Variants in NRXN1 observed in about 807,000 individuals in gnomAD.
NRXN1 encodes neurexin-1.
In NRXN1, 39 loss-of-function variants were observed where a neutral mutation model predicts 150.9. That is an observed-to-expected ratio of 0.26 (90% CI 0.20 to 0.34). The LOEUF is 0.34. NRXN1 is among the 10% of genes least tolerant of loss of function. The probability of loss-of-function intolerance (pLI) is 1.00; values close to 1 mark genes in which losing one functional copy is unlikely to be tolerated. For missense variants in NRXN1, 1,815 were observed against 1,949.9 expected (o/e 0.93, Z 1.30); for synonymous variants, 924 against 757.0 (o/e 1.22, Z -3.62).
chr2:50,016,267 A>G (rs1263646189), intron 21 of NRXN1, among the ~76,000 whole-genome samples: 1 of 152,224 alleles, frequency 6.6e-6, no homozygotes, highest in East Asian at 1.9e-4. Context: ...AACATTACTC[A>G]CAGAAGGCAA....
In NRXN1 at chr2:50,474,258, T is replaced by C. The variant is rs115091810; in HGVS notation, c.3071-1787A>G. On this transcript the variant is annotated intron_variant, in intron 15 of 22. Transcript: ENST00000401669. ...AAGGATATGAATCAGAAATCAAAGA[T>C]ACAAAATTAGCTTTCTGTATTTAAG... 5.9e-3 allele frequency among the ~76,000 whole-genome samples: 897 copies of C among 152,000 alleles called. 7 individuals are homozygous for C. Among genetic ancestry groups the C allele is most frequent in the African/African-American group, 0.02 (834 of 41,486 alleles).
chr2:50,219,937 T>A (rs13422226), intron 18 of NRXN1, among the ~76,000 whole-genome samples: 1 of 77,020 alleles, frequency 1.3e-5, no homozygotes, highest in East Asian at 2.9e-4. Context: ...TTATATATAT[T>A]ATATATTATA....
At chr2:50,751,457 A>C (rs1700585562) in intron 5 of NRXN1, among the ~76,000 whole-genome samples, 1 of 152,004 alleles carries the variant, frequency 6.6e-6, no homozygotes, top group East Asian at 1.9e-4. Context: ...CAGCACAATC[A>C]AGCTGTTTTG....
At chr2:50,634,145 C>T (rs756640195) in intron 5 of NRXN1, among the ~76,000 whole-genome samples, 1 of 152,100 alleles carries the variant, frequency 6.6e-6, no homozygotes, top group Non-Finnish European at 1.5e-5. Context: ...TGATTTTATT[C>T]GATGCACAAT....
rs777530225 is a variant in NRXN1, at chr2:51,028,246, C to T, written c.28G>A (p.Gly10Ser). 2.0e-5 allele frequency: 30 copies of T among 1,464,326 alleles called. No individual in the cohort carries two copies. The East Asian group carries it at 2.4e-4, about 12-fold the overall frequency. The allele number at this position is 1,464,326 out of a possible 1,614,324, so 90.7% of individuals were successfully genotyped here. A position where few individuals can be genotyped will look rare whatever the true frequency, so the allele number is the denominator to read the frequency against. Reference protein sequence around the residue: MGTALLQRGGCFLLCLSLLL... With the variant: MGTALLQRGSCFLLCLSLLL... ...AGCGAGAGGCACAGAAGAAAACAGC[C>T]CCCGCGCTGGAGCAGCGCCGTCCCC... Residue 10 changes from glycine (G) to serine (S), a missense_variant, in exon 2 of 23, where the codon GGC becomes AGC. Physicochemically the swap from Gly to Ser is moderately conservative, Grantham distance 56. Transcript: ENST00000401669.
intron 17 of NRXN1, among the ~76,000 whole-genome samples, chr2:50,353,654 A>T (rs1438831956): frequency 1.3e-5 from 2 of 152,130 alleles, no homozygotes; most frequent in African/African-American, 4.8e-5. Flanking sequence ...ATGTGTACTT[A>T]GTTTAGCTTA....
chr2:50,757,538 AC>A (rs1701289750), intron 5 of NRXN1, among the ~76,000 whole-genome samples: 1 of 151,842 alleles, frequency 6.6e-6, no homozygotes, highest in African/African-American at 2.4e-5. Context: ...ATATATGAAT[AC>A]AAATTAAAAG....
intron 21 of NRXN1, among the ~76,000 whole-genome samples, chr2:50,049,511 A>G (rs1266752644): frequency 6.6e-6 from 1 of 152,180 alleles, no homozygotes; most frequent in African/African-American, 2.4e-5. Flanking sequence ...TGCTCTTTCC[A>G]TTATACTACA....
chr2:50,975,590 T>C (rs1378313004), intron 2 of NRXN1, among the ~76,000 whole-genome samples: 4 of 152,136 alleles, frequency 2.6e-5, no homozygotes, highest in Non-Finnish European at 4.4e-5. Context: ...TCTCATTTTA[T>C]AGTATACTCT....
rs569976589 is a variant in NRXN1 at position 50,681,749 on chromosome 2, G to A, written c.833-58134C>T. 4.6e-5 allele frequency among the ~76,000 whole-genome samples: 7 copies of A among 152,248 alleles called. No homozygotes were observed. In the South Asian group the frequency reaches 1.2e-3, roughly 27 times the overall value. On this transcript the variant is annotated intron_variant, in intron 5 of 22. Transcript: ENST00000401669. ...TATTTGATACTAATAAATATACTGG[G>A]CAGCCATGCCATTTTTATAACTAAT...
At chr2:50,132,989 T>C (rs1705775399) in intron 18 of NRXN1, among the ~76,000 whole-genome samples, 1 of 152,044 alleles carries the variant, frequency 6.6e-6, no homozygotes, top group South Asian at 2.1e-4. Flanking sequence ...TGCGTAACAT[T>C]ATACTTCGTT....
chr2:50,239,698 A>AG (rs2065826613), intron 17 of NRXN1, among the ~76,000 whole-genome samples: 1 of 106,748 alleles, frequency 9.4e-6, no homozygotes, highest in African/African-American at 4.1e-5. Flanking sequence ...ATATATATAT[A>AG]TATATATATA....
chr2:50,013,704 G>A (rs1195203049), intron 21 of NRXN1, among the ~76,000 whole-genome samples: 7 of 152,082 alleles, frequency 4.6e-5, no homozygotes, highest in African/African-American at 1.4e-4. Context: ...GGTGGAAAAC[G>A]TTTTTAAATT....
intron 17 of NRXN1, among the ~76,000 whole-genome samples, chr2:50,267,794 T>C (rs1280800351): frequency 6.6e-6 from 1 of 152,174 alleles, no homozygotes; most frequent in Non-Finnish European, 1.5e-5. Context: ...TTTATGATTT[T>C]CAAAATATGT....
chr2:50,870,769 C>T (rs986787630), intron 5 of NRXN1, among the ~76,000 whole-genome samples: 4 of 151,828 alleles, frequency 2.6e-5, no homozygotes, highest in Non-Finnish European at 5.9e-5. Flanking sequence ...CTCATCACAT[C>T]CCTTTTGCAG....
intron 18 of NRXN1, among the ~76,000 whole-genome samples, chr2:50,171,040 A>G (rs1176507143): frequency 1.3e-5 from 2 of 152,204 alleles, no homozygotes; most frequent in East Asian, 1.9e-4. Context: ...AGAAAATCAT[A>G]AAGAAAATAC....
At chr2:50,756,353 A>C (rs1701155004) in intron 5 of NRXN1, among the ~76,000 whole-genome samples, 1 of 151,638 alleles carries the variant, frequency 6.6e-6, no homozygotes, top group South Asian at 2.1e-4. Context: ...CTAGATGCCA[A>C]CATAGAAATT....
intron 17 of NRXN1, among the ~76,000 whole-genome samples, chr2:50,278,377 C>T (rs72823098): frequency 7.0e-5 from 10 of 143,576 alleles, no homozygotes; most frequent in African/African-American, 1.8e-4. Flanking sequence ...CTGGTGAACA[C>T]CTGACCTCAA....
At chr2:50,853,175 T>G (rs548120976) in intron 5 of NRXN1, among the ~76,000 whole-genome samples, 1 of 152,288 alleles carries the variant, frequency 6.6e-6, no homozygotes, top group East Asian at 1.9e-4. Context: ...TCTGTATATA[T>G]TGACTACTTG....
Sources: gnomAD v4.1 joint callset for allele counts (sites outside exome capture counted in the v4.1 genomes callset) on GRCh38, gnomAD v4.1.1 for gene constraint, MANE v1.5 for transcripts, NCBI Gene and HGNC (gene_info 2026-07-23, HGNC 2026-07-21) for gene names.